Variants in CARD14 observed in about 807,000 individuals in gnomAD.
CARD14 encodes the protein caspase recruitment domain family member 14.
In CARD14, 107 loss-of-function variants were observed where a neutral mutation model predicts 111.5. The ratio of observed to expected loss-of-function variants is 0.96; its 90% confidence interval spans 0.82 to 1.13. CARD14 has a LOEUF of 1.13. Among genes scored for constraint, CARD14 ranks in the 50% most tolerant of loss-of-function variants. CARD14 has a pLI of 0.00. For synonymous variants in CARD14, 617 were observed against 579.6 expected (o/e 1.06, Z -0.93); for missense variants, 1,322 against 1,362.3 (o/e 0.97, Z 0.47).
rs753687072 is a variant in CARD14 at position 80,202,191 on chromosome 17, C to T, written c.1990C>T (p.Leu664=). The change falls in exon 18 of 24, where the codon CTA becomes TTA. Residue 664 remains leucine (L), a synonymous_variant. Coordinates refer to ENST00000648509, the MANE Select transcript of CARD14 (RefSeq NM_001366385.1). ...TCCCCTTTTATCAGGTTATAAGAGG[C>T]TACTCCAGGACCTGGAGGCCAAAGT... ...VKVNTDGYKR[L]LQDLEAKVAT... 6.2e-7 allele frequency: 1 copy of T among 1,613,692 alleles called. No homozygotes were observed. The highest frequency in any genetic ancestry group is 1.7e-5 in the Admixed American group (1 of 60,012).
chr17:80,180,222 C>G (rs1358329255), intron 4 of CARD14, among the ~76,000 whole-genome samples: 1 of 152,124 alleles, frequency 6.6e-6, no homozygotes, highest in South Asian at 2.1e-4. Context: ...GCCAGCATGT[C>G]CCCTGAAGAG....
In CARD14 at chr17:80,184,015, G is replaced by T; in HGVS notation, c.452G>T (p.Arg151Leu). 1.3e-6 allele frequency: 2 copies of T among 1,586,342 alleles called. No individual in the cohort carries two copies. Among genetic ancestry groups the T allele is most frequent in the Non-Finnish European group, 1.7e-6 (2 of 1,165,282 alleles). Residue 151 changes from arginine (R) to leucine (L), a missense_variant, in exon 7 of 24, where the codon CGG (arginine) becomes CTG (leucine). Arg to Leu is a moderately radical substitution (Grantham distance 102). Coordinates refer to ENST00000648509, the MANE Select transcript of CARD14 (RefSeq NM_001366385.1). The part of the protein sequence containing the change: ...QEKGQKEVLL[R>L]RCQQLQEHLG... ...AAGGGGCAGAAGGAGGTGCTGCTGC[G>T]GCGGTGCCAGCAGCTGCAGGAGCAC...
intron 7 of CARD14, 92 bp downstream of exon 7, chr17:80,184,330 C>G (rs914109085): frequency 1.8e-6 from 2 of 1,112,710 alleles, no homozygotes; most frequent in Non-Finnish European, 2.4e-6. Flanking sequence ...AACTCCTTTC[C>G]CCTCTTCCTT....
chr17:80,174,666 T>G (rs1175368923), intron 2 of CARD14, among the ~76,000 whole-genome samples: 1 of 152,144 alleles, frequency 6.6e-6, no homozygotes, highest in African/African-American at 2.4e-5. Context: ...AGTTTAGTCC[T>G]GGATGTGTGA....
intron 4 of CARD14, 149 bp from the exon 5 acceptor site, chr17:80,181,270 G>C: frequency 3.1e-6 from 2 of 649,280 alleles, no homozygotes; most frequent in Non-Finnish European, 5.3e-6. Context: ...TGCTTCCTCT[G>C]CCGTAAACAT....
Position 80,189,423 on chromosome 17 carries a change from G to A in CARD14, c.844-330G>A, listed in dbSNP as rs1415027323. 6.6e-6 allele frequency among the ~76,000 whole-genome samples: 1 copy of A among 152,244 alleles called. No individual in the cohort carries two copies. The highest frequency in any genetic ancestry group is 2.4e-5 in the African/African-American group (1 of 41,460). ...GCTCCTTCCTGGGAAGTGAGTGTCA[G>A]AGGGGAATGACCTGTCTGCTGGTTT... On this transcript the variant is annotated intron_variant, in intron 8 of 23. Transcript: ENST00000648509. This position sits in a 1 kb window ranked among gnomAD's most constrained non-coding sequence, Gnocchi z 4.7.
chr17:80,188,270 C>A lies in CARD14; in HGVS notation c.676-107C>A. ...TTTCAGTCTCGAGGCAGGAAGCCCC[C>A]TGAGTGCTAAAAGCATCATTAGGAG... On this transcript the variant is annotated intron_variant, in intron 7 of 23. Coordinates refer to ENST00000648509, the MANE Select transcript of CARD14 (RefSeq NM_001366385.1). The surrounding 1 kb of genome is among the most constrained non-coding windows in gnomAD (Gnocchi z 4.5). The A allele has an allele frequency of 8.4e-7, 1 of 1,188,502 alleles. No homozygotes were observed. The highest frequency in any genetic ancestry group is 1.1e-6 in the Non-Finnish European group (1 of 885,680). 73.6% of individuals were successfully genotyped at this position (1,188,502 alleles called of 1,614,324 possible).
chr17:80,188,274 G>A lies in CARD14; in HGVS notation c.676-103G>A. 2 of 1,240,712 alleles carry A rather than the reference G, an allele frequency of 1.6e-6. No homozygotes were observed. The highest frequency in any genetic ancestry group is 1.7e-5 in the South Asian group (1 of 58,178). 76.9% of individuals were successfully genotyped at this position (1,240,712 alleles called of 1,614,324 possible). The stretch of plus-strand genomic sequence containing the variant: ...AGTCTCGAGGCAGGAAGCCCCCTGA[G>A]TGCTAAAAGCATCATTAGGAGGAAG... On this transcript the variant is annotated intron_variant, in intron 7 of 23. Coordinates refer to ENST00000648509, the MANE Select transcript of CARD14 (RefSeq NM_001366385.1). The surrounding 1 kb of genome is among the most constrained non-coding windows in gnomAD (Gnocchi z 4.5).
chr17:80,182,779 G>C lies in CARD14; in HGVS notation c.338G>C (p.Ser113Thr). ...GGGCTGCAGCCTGATGTTGACTTCA[G>C]TAACTTTAGCGGTGAGAGCTCCGAC... ...VTGLQPDVDF[S>T]NFSGLMETSK... The change falls in exon 6 of 24, where the codon AGT becomes ACT. Residue 113 changes from serine to threonine, a missense_variant. Ser to Thr is a moderately conservative substitution (Grantham distance 58). Transcript: ENST00000648509. The surrounding 1 kb of genome is among the most constrained non-coding windows in gnomAD (Gnocchi z 4.7). 6.2e-7 allele frequency: 1 copy of C among 1,614,194 alleles called. No homozygotes were observed. Among genetic ancestry groups the C allele is most frequent in the Non-Finnish European group, 8.5e-7 (1 of 1,180,016 alleles).
At position 80,199,607 on chromosome 17, in the gene CARD14, G is replaced by A. The variant is rs535868435; in HGVS notation, c.1851+1016G>A. On this transcript the variant is annotated intron_variant, in intron 16 of 23. Coordinates refer to ENST00000648509, the MANE Select transcript of CARD14 (RefSeq NM_001366385.1). ...GAAAAGAAAAAAAAAGGCCAGGCAC[G>A]GTGGCTTATGCCTGTAATCCCAGCA... 6.2e-5 allele frequency among the ~76,000 whole-genome samples: 9 copies of A among 146,170 alleles called. No homozygotes were observed. In the East Asian group the frequency reaches 1.4e-3, roughly 23 times the overall value.
chr17:80,192,407 G>A (rs1240588762), intron 11 of CARD14, 96 bp from the exon 12 acceptor site: 2 of 794,466 alleles, frequency 2.5e-6, no homozygotes, highest in Non-Finnish European at 4.2e-6. Flanking sequence ...CTGCTGGGGA[G>A]GGTGAAATGG....
rs766844994 is a variant in CARD14, at chr17:80,203,860, C to A, written c.2258C>A (p.Thr753Asn). 4 of 1,596,308 alleles carry A rather than the reference C, an allele frequency of 2.5e-6. No homozygotes were observed. The highest frequency in any genetic ancestry group is 3.5e-5 in the Admixed American group (2 of 57,258). Residue 753 changes from threonine to asparagine, a missense_variant, in exon 19 of 24, where the codon ACT becomes AAT. Physicochemically the swap from Thr to Asn is moderately conservative, Grantham distance 65. Coordinates refer to ENST00000648509, the MANE Select transcript of CARD14 (RefSeq NM_001366385.1). This position sits in a 1 kb window ranked among gnomAD's most constrained non-coding sequence, Gnocchi z 4.6. Reference protein sequence around the residue: ...QQLIALIQDMTQQCTVTRKPS... With the variant: ...QQLIALIQDMNQQCTVTRKPS... ...CTCATAGCCCTCATCCAGGACATGA[C>A]TCAGCAGTGCACCGTGACCCGCAAG...
At chr17:80,177,626 C>T (rs2040057366) in intron 2 of CARD14, among the ~76,000 whole-genome samples, 1 of 152,036 alleles carries the variant, frequency 6.6e-6, no homozygotes, top group African/African-American at 2.4e-5. Context: ...ACCCGGGAGA[C>T]AAAGGTTGCA....
chr17:80,181,408 A>G lies in CARD14; in HGVS notation c.-20-11A>G. 2.6e-6 allele frequency: 4 copies of G among 1,544,498 alleles called. No individual in the cohort carries two copies. The highest frequency in any genetic ancestry group is 3.5e-6 in the Non-Finnish European group (4 of 1,141,496). ...ACCTGACAACTCCACCCCCATGGCCACCCCTCCTAGGGTCCTCCCAGCGCC... is the reference window on the plus strand; with the variant it reads ...ACCTGACAACTCCACCCCCATGGCCGCCCCTCCTAGGGTCCTCCCAGCGCC... On this transcript the variant is annotated splice_polypyrimidine_tract_variant and intron_variant, in intron 4 of 23. Coordinates refer to ENST00000648509, the MANE Select transcript of CARD14 (RefSeq NM_001366385.1).
intron 12 of CARD14, among the ~76,000 whole-genome samples, chr17:80,193,856 G>A (rs12938321): frequency 0.23 from 34,864 of 151,970 alleles, 4,308 homozygotes; most frequent in Non-Finnish European, 0.27. Flanking sequence ...CTGCCTTAAC[G>A]CCCTCTGTGC....
intron 4 of CARD14, among the ~76,000 whole-genome samples, chr17:80,179,943 T>A (rs371173193): frequency 1.3e-5 from 2 of 152,274 alleles, no homozygotes; most frequent in East Asian, 3.9e-4. Context: ...AAAAGAAACC[T>A]GAAGTGCAGA....
At chr17:80,200,457 G>A (rs1439309855) in intron 16 of CARD14, among the ~76,000 whole-genome samples, 3 of 151,784 alleles carry the variant, frequency 2.0e-5, no homozygotes, top group Admixed American at 6.6e-5. Context: ...GGCTGATCTC[G>A]AACTCCTGAC....
Position 80,182,657 on chromosome 17 carries a change from C to T in CARD14, c.216C>T (p.His72=), listed in dbSNP as rs551385923. The T allele has an allele frequency of 2.5e-5, 40 of 1,614,084 alleles. No individual in the cohort carries two copies. In the South Asian group the frequency reaches 4.3e-4, roughly 17 times the overall value. ...RLTNSAMRAG[H]LLDLLKTRGK... Reference sequence around the variant, plus strand: ...CAGACGGTTCTGCCTCCCAAGGGCACTTGCTGGATTTGCTGAAGACTCGAG... The same window carrying T: ...CAGACGGTTCTGCCTCCCAAGGGCATTTGCTGGATTTGCTGAAGACTCGAG... Residue 72 remains histidine (H), a synonymous_variant, in exon 6 of 24, where the codon CAC becomes CAT. Transcript: ENST00000648509. This position sits in a 1 kb window ranked among gnomAD's most constrained non-coding sequence, Gnocchi z 4.7.
At position 80,195,259 on chromosome 17, in the gene CARD14, C is replaced by G. The variant is rs2040668173; in HGVS notation, c.1425C>G (p.Ser475Arg). The G allele has an allele frequency of 1.2e-6, 2 of 1,612,466 alleles. No individual in the cohort carries two copies. The highest frequency in any genetic ancestry group is 1.7e-6 in the Non-Finnish European group (2 of 1,179,872). The stretch of plus-strand genomic sequence containing the variant: ...TGGTGGACAGCTTCCGCTCCAGCAG[C>G]CCCGCGCCCCCCAGCCAGCAGTCCC... ...RELVDSFRSS[S>R]PAPPSQQSLY... The change falls in exon 13 of 24, where the codon AGC becomes AGG. Residue 475 changes from serine (S) to arginine (R), a missense_variant. Ser to Arg is a moderately radical substitution (Grantham distance 110). Transcript: ENST00000648509. This position sits in a 1 kb window ranked among gnomAD's most constrained non-coding sequence, Gnocchi z 4.7.
Sources: gnomAD v4.1 joint callset for allele counts (sites outside exome capture counted in the v4.1 genomes callset) on GRCh38, gnomAD v4.1.1 for gene constraint, Gnocchi (gnomAD v3.1) non-coding constraint, MANE v1.5 for transcripts, NCBI Gene and HGNC (gene_info 2026-07-23, HGNC 2026-07-21) for gene names.